The following ZNHIT6 variants were observed in gnomAD, a reference collection of about 807,000 sequenced individuals.
The protein encoded by ZNHIT6 is zinc finger HIT-type containing 6.
A neutral mutation model predicts 57.2 loss-of-function variants in ZNHIT6; 45 were observed. The observed-to-expected ratio is 0.79, with a 90% CI of 0.62 to 1.01. The LOEUF (loss-of-function observed/expected upper bound fraction) is 1.01, where lower values mean the gene tolerates loss of function less well. Ranked by LOEUF, ZNHIT6 falls within the 50% of genes least tolerant of loss-of-function variation. The probability of loss-of-function intolerance (pLI) is 0.00; values close to 1 mark genes in which losing one functional copy is unlikely to be tolerated. For missense variants in ZNHIT6, 528 were observed against 567.3 expected (o/e 0.93, Z 0.70); for synonymous variants, 188 against 190.0 (o/e 0.99, Z 0.09).
At chr1:85,682,996 C>T (rs1303450615) in intron 5 of ZNHIT6, among the ~76,000 whole-genome samples, 5 of 152,226 alleles carry the variant, frequency 3.3e-5, no homozygotes, top group Non-Finnish European at 7.4e-5. Context: ...GTGGGCGCAT[C>T]GTTTGAGCCC....
intron 8 of ZNHIT6, among the ~76,000 whole-genome samples, chr1:85,661,692 C>T (rs1315059575): frequency 1.3e-5 from 2 of 152,140 alleles, no homozygotes; most frequent in African/African-American, 4.8e-5. Flanking sequence ...CCCAGCTTTG[C>T]ACTGCCTAAA....
At position 85,707,947 on chromosome 1, in the gene ZNHIT6, C is replaced by T. The variant is rs1662739344; in HGVS notation, c.338G>A (p.Gly113Asp). ...CGTCTCCTGCTTCACCTCCAATACG[C>T]CTGCGTTCTCATCCTTCACCTCAGG... ...DRPEVKDENA[G>D]VLEVKQETDS... The change falls in exon 1 of 10, where the codon GGC becomes GAC. Residue 113 changes from glycine (G) to aspartate (D), a missense_variant. Physicochemically the swap from Gly to Asp is moderately conservative, Grantham distance 94. Transcript: ENST00000370574. 6.2e-7 allele frequency: 1 copy of T among 1,614,102 alleles called. No homozygotes were observed. The highest frequency in any genetic ancestry group is 2.2e-5 in the East Asian group (1 of 44,870).
rs41289755 is a variant in ZNHIT6, at chr1:85,654,246, T to C, written c.1373-148A>G. On this transcript the variant is annotated intron_variant, in intron 9 of 9. Coordinates refer to ENST00000370574, the MANE Select transcript of ZNHIT6 (RefSeq NM_017953.4). ...CGCGTCATGTCCCAGGCAGCTAGGA[T>C]ATACAATTCTGGCCACAATAAATAG... is the stretch of plus-strand genomic sequence containing the variant. 3.7e-3 allele frequency: 2,197 copies of C among 600,066 alleles called. 7 individuals carry two copies. Among genetic ancestry groups the C allele is most frequent in the Non-Finnish European group, 5.3e-3 (1,863 of 348,392 alleles). 37.2% of individuals were successfully genotyped at this position (600,066 alleles called of 1,614,324 possible).
rs1270225915 is a variant in ZNHIT6, at chr1:85,649,913, AGAG to A, written c.*4142_*4144del. On this transcript the variant is annotated 3_prime_UTR_variant, in exon 10 of 10. Coordinates refer to ENST00000370574, the MANE Select transcript of ZNHIT6 (RefSeq NM_017953.4). Reference sequence around the variant, plus strand: ...ACTCAAAGCAGCAATAATAAGAAGAAGAGATTAAAATCTCTAGTTAAAAACAAT... The same window carrying A: ...ACTCAAAGCAGCAATAATAAGAAGAAATTAAAATCTCTAGTTAAAAACAAT... 6.6e-6 allele frequency: 1 copy of A among 152,220 alleles called. No homozygotes were observed. Among genetic ancestry groups the A allele is most frequent in the African/African-American group, 2.4e-5 (1 of 41,462 alleles). The allele number at this position is 152,220 out of a possible 1,614,324, so 9.4% of individuals were successfully genotyped here.
chr1:85,677,378 GAGACTA>G (rs1199673297), intron 7 of ZNHIT6, 65 bp from the exon 8 acceptor site: 10 of 1,320,318 alleles, frequency 7.6e-6, no homozygotes, highest in African/African-American at 1.5e-5. Flanking sequence ...TAGTCTTATG[GAGACTA>G]AGCATTTGTA....
chr1:85,708,333 T>C lies in ZNHIT6; in HGVS notation c.-49A>G, dbSNP rs1662758551. The C allele has an allele frequency of 1.3e-6, 2 of 1,543,500 alleles. No homozygotes were observed. The highest frequency in any genetic ancestry group is 1.7e-6 in the Non-Finnish European group (2 of 1,145,354). On this transcript the variant is annotated 5_prime_UTR_variant, in exon 1 of 10. Coordinates refer to ENST00000370574, the MANE Select transcript of ZNHIT6 (RefSeq NM_017953.4). ...CTGCCACTCTATCCTTCAATGTGGC[T>C]GCTGCACACCAATAGGAGGAATTAC...
In ZNHIT6 at chr1:85,652,141, G is replaced by A. The variant is rs1313847715; in HGVS notation, c.*1917C>T. ...CAGGTTTCAATTTAAATTCAGAAGG[G>A]GGGATGGAACTCAAGACTTTTCTTG... On this transcript the variant is annotated 3_prime_UTR_variant, in exon 10 of 10. Coordinates refer to ENST00000370574, the MANE Select transcript of ZNHIT6 (RefSeq NM_017953.4). 1.3e-5 allele frequency: 2 copies of A among 152,058 alleles called. No individual in the cohort carries two copies. Among genetic ancestry groups the A allele is most frequent in the Non-Finnish European group, 2.9e-5 (2 of 67,988 alleles). 9.4% of individuals were successfully genotyped at this position (152,058 alleles called of 1,614,324 possible).
At chr1:85,667,016 A>G (rs1557841006) in intron 8 of ZNHIT6, among the ~76,000 whole-genome samples, 1 of 152,230 alleles carries the variant, frequency 6.6e-6, no homozygotes, top group Non-Finnish European at 1.5e-5. Context: ...AAAATAAACA[A>G]CAATCCCAAA....
chr1:85,674,555 G>A (rs1661650261), intron 8 of ZNHIT6, among the ~76,000 whole-genome samples: 1 of 152,082 alleles, frequency 6.6e-6, no homozygotes, highest in Non-Finnish European at 1.5e-5. Context: ...GGTCAGTTTT[G>A]TTTAGTAAAA....
At chr1:85,698,483 A>G (rs1013752910) in intron 5 of ZNHIT6, among the ~76,000 whole-genome samples, 6 of 152,194 alleles carry the variant, frequency 3.9e-5, no homozygotes, top group African/African-American at 7.2e-5. Flanking sequence ...TTTTTAAAAA[A>G]AATAAATGTA....
At chr1:85,704,143 A>G (rs1662614209) in intron 4 of ZNHIT6, among the ~76,000 whole-genome samples, 1 of 152,252 alleles carries the variant, frequency 6.6e-6, no homozygotes, top group East Asian at 1.9e-4. Flanking sequence ...CGAGAATATG[A>G]CAATAGGTAC....
intron 8 of ZNHIT6, among the ~76,000 whole-genome samples, chr1:85,673,629 TC>T (rs1323232412): frequency 6.6e-6 from 1 of 152,238 alleles, no homozygotes; most frequent in Non-Finnish European, 1.5e-5. Flanking sequence ...GTTTCTGATT[TC>T]TAAGCACTTT....
intron 4 of ZNHIT6, among the ~76,000 whole-genome samples, chr1:85,705,614 T>C (rs189988946): frequency 5.6e-4 from 86 of 152,316 alleles, no homozygotes; most frequent in Non-Finnish European, 9.3e-4. Flanking sequence ...CCAGACATCC[T>C]TGTTTCTGAC....
chr1:85,702,345 A>G (rs1662560404), intron 4 of ZNHIT6, 85 bp from the exon 5 acceptor site: 2 of 771,280 alleles, frequency 2.6e-6, no homozygotes, highest in African/African-American at 3.5e-5. Context: ...ATAATAGTTA[A>G]GATTTACTGA....
chr1:85,681,372 A>G (rs1024523581), intron 5 of ZNHIT6, among the ~76,000 whole-genome samples: 3 of 152,032 alleles, frequency 2.0e-5, no homozygotes, highest in Non-Finnish European at 2.9e-5. Context: ...ACTTTGAGCT[A>G]CAGTCTTTTT....
rs1328902122 is a variant in ZNHIT6, at chr1:85,649,562, A to C, written c.*4496T>G. The C allele has an allele frequency of 6.6e-6, 1 of 152,246 alleles. No homozygotes were observed. The highest frequency in any genetic ancestry group is 1.5e-5 in the Non-Finnish European group (1 of 68,044). The allele number at this position is 152,246 out of a possible 1,614,324, so 9.4% of individuals were successfully genotyped here. On this transcript the variant is annotated 3_prime_UTR_variant, in exon 10 of 10. Transcript: ENST00000370574. ...TCACACTCCAGTATGGAAAATGTTCATGTTATAGGTCATTTTAATGAACAC... is the reference window on the plus strand; with the variant it reads ...TCACACTCCAGTATGGAAAATGTTCCTGTTATAGGTCATTTTAATGAACAC...
intron 9 of ZNHIT6, among the ~76,000 whole-genome samples, chr1:85,656,089 C>T (rs749214966): frequency 1.3e-5 from 2 of 152,122 alleles, no homozygotes; most frequent in Non-Finnish European, 2.9e-5. Flanking sequence ...TAATCCCCTT[C>T]CCTCATCAAG....
intron 5 of ZNHIT6, among the ~76,000 whole-genome samples, chr1:85,695,057 A>G (rs1418729024): frequency 6.6e-6 from 1 of 152,128 alleles, no homozygotes; most frequent in East Asian, 1.9e-4. Context: ...TGAGCTCAGG[A>G]GATCAAGACC....
chr1:85,678,716 G>T lies in ZNHIT6; in HGVS notation c.1154C>A (p.Pro385His). Residue 385 changes from proline to histidine, a missense_variant, in exon 7 of 10, where the codon CCT (proline) becomes CAT (histidine). By Grantham distance (77) the Pro-to-His change is moderately conservative. Coordinates refer to ENST00000370574, the MANE Select transcript of ZNHIT6 (RefSeq NM_017953.4). ...KPYIDPEKSD[P>H]VIRQRLKAYI... ...TGAAGCATACCTTTGACGAATTACA[G>T]GATCAGACTTTTCAGGATCAATGTA... is the stretch of plus-strand genomic sequence containing the variant. The T allele has an allele frequency of 6.3e-7, 1 of 1,588,726 alleles. No homozygotes were observed. The highest frequency in any genetic ancestry group is 1.2e-5 in the South Asian group (1 of 86,866).
Sources: gnomAD v4.1 joint callset for allele counts (sites outside exome capture counted in the v4.1 genomes callset) on GRCh38, gnomAD v4.1.1 for gene constraint, MANE v1.5 for transcripts, NCBI Gene and HGNC (gene_info 2026-07-23, HGNC 2026-07-21) for gene names.